Variants in SLC7A1 observed in about 807,000 individuals in gnomAD.
SLC7A1 encodes the protein solute carrier family 7 member 1, also known as high affinity cationic amino acid transporter 1.
In SLC7A1, 10 loss-of-function variants were observed where a neutral mutation model predicts 53.9. That is an observed-to-expected ratio of 0.19 (90% CI 0.11 to 0.31). SLC7A1 has a LOEUF of 0.31. Among genes scored for constraint, SLC7A1 ranks in the 10% least tolerant of loss-of-function variants. The pLI is 1.00. For missense variants in SLC7A1, 525 were observed against 827.2 expected, an observed-to-expected ratio of 0.63 and a Z score of 4.48; for synonymous variants, 342 against 338.7, an observed-to-expected ratio of 1.01 and a Z score of -0.11.
chr13:29,584,934 G>A (rs569825020), intron 1 of SLC7A1, among the ~76,000 whole-genome samples: 6 of 152,216 alleles, frequency 3.9e-5, no homozygotes, highest in South Asian at 2.1e-4. Flanking sequence ...CAGGTTCTTC[G>A]TCGCATCACG....
chr13:29,543,414 C>T (rs1272497639), intron 2 of SLC7A1, among the ~76,000 whole-genome samples: 1 of 151,830 alleles, frequency 6.6e-6, no homozygotes, highest in Non-Finnish European at 1.5e-5. Flanking sequence ...ATGACTCAAC[C>T]AGGGGTTTCA....
chr13:29,523,027 G>A (rs779227772), intron 7 of SLC7A1, among the ~76,000 whole-genome samples: 1 of 152,206 alleles, frequency 6.6e-6, no homozygotes, highest in Non-Finnish European at 1.5e-5. Context: ...TTGCTAAGCA[G>A]ATGATGCTGA....
chr13:29,565,151 A>G (rs778017911), intron 1 of SLC7A1, among the ~76,000 whole-genome samples: 1 of 152,368 alleles, frequency 6.6e-6, no homozygotes, highest in Non-Finnish European at 1.5e-5. Flanking sequence ...AGACTGTGGC[A>G]TCCATCCTGA....
At chr13:29,569,446 C>A (rs2139164677) in intron 1 of SLC7A1, among the ~76,000 whole-genome samples, 1 of 152,336 alleles carries the variant, frequency 6.6e-6, no homozygotes. Flanking sequence ...CTGCTCCCTG[C>A]AGGGCCCCTG....
chr13:29,560,247 C>T (rs573727249), intron 1 of SLC7A1, among the ~76,000 whole-genome samples: 2 of 152,148 alleles, frequency 1.3e-5, no homozygotes, highest in South Asian at 2.1e-4. Context: ...TCCACCTCTA[C>T]GTCTTGTCCC....
intron 1 of SLC7A1, among the ~76,000 whole-genome samples, chr13:29,567,429 C>T (rs1432784347): frequency 6.6e-6 from 1 of 152,162 alleles, no homozygotes; most frequent in African/African-American, 2.4e-5. Flanking sequence ...CCAGTATTTC[C>T]TAAGGCCATC....
At chr13:29,538,613 C>T (rs1455942685) in intron 2 of SLC7A1, among the ~76,000 whole-genome samples, 1 of 152,236 alleles carries the variant, frequency 6.6e-6, no homozygotes, top group East Asian at 1.9e-4. Context: ...GATCTGCAGG[C>T]TCAGGGAGTG....
At position 29,511,864 on chromosome 13, in the gene SLC7A1, T is replaced by A. The variant is rs1883402441; in HGVS notation, c.*2616A>T. 2 of 152,124 alleles carry A rather than the reference T, an allele frequency of 1.3e-5. No homozygotes were observed. The highest frequency in any genetic ancestry group is 4.1e-4 in the South Asian group (2 of 4,824). The allele number at this position is 152,124 out of a possible 1,614,324, so 9.4% of individuals were successfully genotyped here. On this transcript the variant is annotated 3_prime_UTR_variant, in exon 13 of 13. Coordinates refer to ENST00000380752, the MANE Select transcript of SLC7A1 (RefSeq NM_003045.5). The stretch of plus-strand genomic sequence containing the variant: ...AGTAGACACAATACTCCTTGGTGGG[T>A]GTGCCTCTAGTAATGTGTAAGTTCT...
At chr13:29,569,475 G>A (rs1871105297) in intron 1 of SLC7A1, among the ~76,000 whole-genome samples, 1 of 152,172 alleles carries the variant, frequency 6.6e-6, no homozygotes, top group African/African-American at 2.4e-5. Flanking sequence ...AGCCTTAGGG[G>A]CAGTGAGCTC....
chr13:29,584,848 A>T (rs1322756451), intron 1 of SLC7A1, among the ~76,000 whole-genome samples: 2 of 152,388 alleles, frequency 1.3e-5, no homozygotes, highest in South Asian at 2.1e-4. Context: ...TTAACCCATA[A>T]GATTTAGTCA....
intron 1 of SLC7A1, among the ~76,000 whole-genome samples, chr13:29,555,990 T>C (rs1333435705): frequency 2.0e-5 from 3 of 152,174 alleles, no homozygotes; most frequent in Admixed American, 2.0e-4. Flanking sequence ...CGAGATGGCT[T>C]CAGATTCCAC....
At chr13:29,554,979 T>C (rs1034664643) in intron 1 of SLC7A1, among the ~76,000 whole-genome samples, 5 of 152,226 alleles carry the variant, frequency 3.3e-5, no homozygotes, top group African/African-American at 7.2e-5. Flanking sequence ...TAGACAAATA[T>C]ATGCTTTCCT....
In SLC7A1 at chr13:29,512,820, C is replaced by T. The variant is rs1422786948; in HGVS notation, c.*1660G>A. 4 of 152,254 alleles carry T rather than the reference C, an allele frequency of 2.6e-5. No individual in the cohort carries two copies. In the East Asian group the frequency reaches 5.8e-4, roughly 22 times the overall value. 9.4% of individuals were successfully genotyped at this position (152,254 alleles called of 1,614,324 possible). On this transcript the variant is annotated 3_prime_UTR_variant, in exon 13 of 13. Coordinates refer to ENST00000380752, the MANE Select transcript of SLC7A1 (RefSeq NM_003045.5). ...CCATGGCCATCCACCCGCCCTCCAC[C>T]GCCGTGTTCACAAATTCTTGCACTT... is the stretch of plus-strand genomic sequence containing the variant.
chr13:29,514,134 A>AAGATAAGG lies in SLC7A1; in HGVS notation c.*338_*345dup, dbSNP rs1228868788. ...TCCCCGGGAGGAAGGCCTGGTTCCCAAGATAAGGAGAGAAGGTGACCTCCG... is the reference window on the plus strand; with the variant it reads ...TCCCCGGGAGGAAGGCCTGGTTCCCAAGATAAGGAGATAAGGAGAGAAGGTGACCTCCG... On this transcript the variant is annotated 3_prime_UTR_variant, in exon 13 of 13. Coordinates refer to ENST00000380752, the MANE Select transcript of SLC7A1 (RefSeq NM_003045.5). 1.1e-5 allele frequency: 3 copies of AAGATAAGG among 276,318 alleles called. No individual in the cohort carries two copies. Among genetic ancestry groups the AAGATAAGG allele is most frequent in the Non-Finnish European group, 2.1e-5 (3 of 144,040 alleles). The allele number at this position is 276,318 out of a possible 1,614,324, so 17.1% of individuals were successfully genotyped here.
chr13:29,523,587 G>A (rs1285524222), intron 6 of SLC7A1, 99 bp from the exon 7 acceptor site: 4 of 863,266 alleles, frequency 4.6e-6, no homozygotes, highest in East Asian at 5.3e-5. Context: ...GAACCCACGT[G>A]ACCCTACGAG....
At chr13:29,572,283 G>C (rs1415653543) in intron 1 of SLC7A1, among the ~76,000 whole-genome samples, 1 of 152,248 alleles carries the variant, frequency 6.6e-6, no homozygotes. Flanking sequence ...CCTCAGGGCA[G>C]AGCCAGGACG....
chr13:29,581,836 AC>A (rs1380284875), intron 1 of SLC7A1, among the ~76,000 whole-genome samples: 3 of 151,670 alleles, frequency 2.0e-5, no homozygotes, highest in Admixed American at 6.6e-5. Context: ...CCATTTCACC[AC>A]CCCCAGCCTT....
intron 3 of SLC7A1, among the ~76,000 whole-genome samples, chr13:29,535,557 TCAGG>T (rs970423760): frequency 3.3e-4 from 50 of 152,340 alleles, no homozygotes; most frequent in African/African-American, 1.1e-3. Flanking sequence ...CTCCATGTTG[TCAGG>T]CAGGGTATTT....
intron 2 of SLC7A1, among the ~76,000 whole-genome samples, chr13:29,553,226 G>C (rs1870281944): frequency 6.6e-6 from 1 of 152,228 alleles, no homozygotes; most frequent in Non-Finnish European, 1.5e-5. Flanking sequence ...AAGTTCTGGG[G>C]CAGGAAGAAA....
Sources: allele counts gnomAD v4.1 joint callset (sites outside exome capture counted in the v4.1 genomes callset), GRCh38; gene constraint gnomAD v4.1.1; transcripts MANE v1.5; gene names NCBI Gene and HGNC (gene_info 2026-07-23, HGNC 2026-07-21).